Variants in RO60 observed in about 807,000 individuals in gnomAD.
RO60 encodes the protein RNA-binding protein RO60.
In RO60, 20 loss-of-function variants were observed where a neutral mutation model predicts 55.3. That is an observed-to-expected ratio of 0.36 (90% CI 0.25 to 0.53). RO60 has a LOEUF of 0.53. RO60 is among the 20% of genes least tolerant of loss of function. RO60 has a pLI of 0.92. For synonymous variants in RO60, 213 were observed against 213.6 expected (o/e 1.00, Z 0.02); for missense variants, 558 against 646.6 (o/e 0.86, Z 1.49).
chr1:193,079,077 T>C (rs961172471), intron 5 of RO60, among the ~76,000 whole-genome samples: 11 of 146,246 alleles, frequency 7.5e-5, no homozygotes, highest in Non-Finnish European at 1.6e-4. Flanking sequence ...ATATGTTCAG[T>C]TGACTTTTTT....
In RO60 at chr1:193,069,295, A is replaced by C. The variant is rs749014090; in HGVS notation, c.241A>C (p.Ser81Arg). ...AGTGATACAAGAAATAAAGTCATTTAGTCAAGAAGGCAGAACCACAAAGCA... is the reference window on the plus strand; with the variant it reads ...AGTGATACAAGAAATAAAGTCATTTCGTCAAGAAGGCAGAACCACAAAGCA... Reference protein sequence around the residue: ...CEVIQEIKSFSQEGRTTKQEP... With the variant: ...CEVIQEIKSFRQEGRTTKQEP... The change falls in exon 2 of 9, where the codon AGT (serine) becomes CGT (arginine). Residue 81 changes from serine (S) to arginine (R), a missense_variant. Coordinates refer to ENST00000400968, the MANE Select transcript of RO60 (RefSeq NM_001173524.2). The C allele has an allele frequency of 1.9e-6, 3 of 1,614,246 alleles. No homozygotes were observed. In the Admixed American group the frequency reaches 5.0e-5, roughly 27 times the overall value.
chr1:193,069,667 G>T lies in RO60; in HGVS notation c.580+33G>T, dbSNP rs1673347428. 3 of 1,531,032 alleles carry T rather than the reference G, an allele frequency of 2.0e-6. No individual in the cohort carries two copies. In the African/African-American group the frequency reaches 4.2e-5, roughly 21 times the overall value. 94.8% of individuals were successfully genotyped at this position (1,531,032 alleles called of 1,614,324 possible). On this transcript the variant is annotated intron_variant, in intron 2 of 8. Coordinates refer to ENST00000400968, the MANE Select transcript of RO60 (RefSeq NM_001173524.2). ...TAAGATCTTCATTGGGAAGAAGGGTGGGTAAGGGATATTCAATAAATAGCA... is the reference window on the plus strand; with the variant it reads ...TAAGATCTTCATTGGGAAGAAGGGTTGGTAAGGGATATTCAATAAATAGCA...
rs1674726212 is a variant in RO60 at position 193,088,659 on chromosome 1, A to G, written c.*3928A>G. ...CAAAAATGAAAAATTCTAGTCTTATATACTGCAGGTTTGGGGTGATTGTTA... is the reference window on the plus strand; with the variant it reads ...CAAAAATGAAAAATTCTAGTCTTATGTACTGCAGGTTTGGGGTGATTGTTA... On this transcript the variant is annotated 3_prime_UTR_variant, in exon 9 of 9. Transcript: ENST00000400968. The G allele has an allele frequency of 6.6e-6, 1 of 152,196 alleles. No homozygotes were observed. Among genetic ancestry groups the G allele is most frequent in the South Asian group, 2.1e-4 (1 of 4,834 alleles). 9.4% of individuals were successfully genotyped at this position (152,196 alleles called of 1,614,324 possible). A position where few individuals can be genotyped will look rare whatever the true frequency, so the allele number is the denominator to read the frequency against.
intron 1 of RO60, among the ~76,000 whole-genome samples, chr1:193,068,019 T>C (rs995029952): frequency 6.6e-6 from 1 of 152,188 alleles, no homozygotes; most frequent in Non-Finnish European, 1.5e-5. Context: ...ACTCCAGGCA[T>C]CACTTGCAAA....
intron 2 of RO60, among the ~76,000 whole-genome samples, chr1:193,074,028 G>A (rs988885473): frequency 1.3e-4 from 19 of 151,884 alleles, no homozygotes; most frequent in Non-Finnish European, 2.6e-4. Flanking sequence ...GAGAATGATG[G>A]TTTCCAGCTT....
At chr1:193,077,984 G>C (rs1413575032) in intron 5 of RO60, among the ~76,000 whole-genome samples, 1 of 152,064 alleles carries the variant, frequency 6.6e-6, no homozygotes, top group Admixed American at 6.5e-5. Context: ...AAAGACACAA[G>C]CTAAAACATC....
At position 193,069,652 on chromosome 1, in the gene RO60, A is replaced by T; in HGVS notation, c.580+18A>T. 6.3e-7 allele frequency: 1 copy of T among 1,582,186 alleles called. No individual in the cohort carries two copies. The stretch of plus-strand genomic sequence containing the variant: ...CAGTGAAGGTAAGCATAAGATCTTC[A>T]TTGGGAAGAAGGGTGGGTAAGGGAT... On this transcript the variant is annotated intron_variant, in intron 2 of 8. Coordinates refer to ENST00000400968, the MANE Select transcript of RO60 (RefSeq NM_001173524.2).
Position 193,075,991 on chromosome 1 carries a change from A to G in RO60, c.752A>G (p.His251Arg), listed in dbSNP as rs1206390930. 1 of 1,612,856 alleles carries G rather than the reference A, an allele frequency of 6.2e-7. No individual in the cohort carries two copies. Among genetic ancestry groups the G allele is most frequent in the East Asian group, 2.2e-5 (1 of 44,776 alleles). The change falls in exon 3 of 9, where the codon CAT (histidine) becomes CGT (arginine). Residue 251 changes from histidine (H) to arginine (R), a missense_variant. Physicochemically the swap from His to Arg is conservative, Grantham distance 29. Coordinates refer to ENST00000400968, the MANE Select transcript of RO60 (RefSeq NM_001173524.2). ...GAAGTCATTCATCTAATAGAAGAAC[A>G]TAGATTAGTTAGAGAACATCTTTTA... is the stretch of plus-strand genomic sequence containing the variant. The part of the protein sequence containing the change: ...ELEVIHLIEE[H>R]RLVREHLLTN...
rs538702798 is a variant in RO60, at chr1:193,085,163, A to G, written c.*432A>G. The G allele has an allele frequency of 4.8e-6, 6 of 1,252,900 alleles. No individual in the cohort carries two copies. The highest frequency in any genetic ancestry group is 3.0e-5 in the African/African-American group (2 of 65,908). 77.6% of individuals were successfully genotyped at this position (1,252,900 alleles called of 1,614,324 possible). ...CAAATACTCTGAAATGCACTAGACC[A>G]TATAACTGTGATGAAATATGAAACT... On this transcript the variant is annotated 3_prime_UTR_variant, in exon 9 of 9. Coordinates refer to ENST00000400968, the MANE Select transcript of RO60 (RefSeq NM_001173524.2).
chr1:193,065,876 G>A (rs572588617), intron 1 of RO60, among the ~76,000 whole-genome samples: 3 of 151,966 alleles, frequency 2.0e-5, no homozygotes, highest in South Asian at 2.1e-4. Context: ...CTAATATTCC[G>A]AACACAATTC....
intron 2 of RO60, among the ~76,000 whole-genome samples, chr1:193,070,072 A>C (rs575983810): frequency 6.6e-6 from 1 of 152,228 alleles, no homozygotes; most frequent in East Asian, 1.9e-4. Flanking sequence ...AAACTTAGGT[A>C]ACTGTACACA....
chr1:193,077,718 G>A (rs1674024627), intron 5 of RO60, among the ~76,000 whole-genome samples: 1 of 152,074 alleles, frequency 6.6e-6, no homozygotes, highest in Non-Finnish European at 1.5e-5. Context: ...TGGCAGAAGG[G>A]GGAATATGGT....
At chr1:193,070,192 A>G (rs1032828596) in intron 2 of RO60, among the ~76,000 whole-genome samples, 3 of 150,418 alleles carry the variant, frequency 2.0e-5, no homozygotes, top group Non-Finnish European at 2.9e-5. Flanking sequence ...GCTCCTTGCC[A>G]GTAGGCGGCA....
chr1:193,080,312 TGTAAAATG>T (rs1007780679), intron 5 of RO60, among the ~76,000 whole-genome samples: 14 of 152,158 alleles, frequency 9.2e-5, no homozygotes, highest in African/African-American at 2.9e-4. Context: ...CTGGTGGGAA[TGTAAAATG>T]GTAAAATGGT....
rs776860276 is a variant in RO60 at position 193,076,914 on chromosome 1, C to A, written c.950C>A (p.Ala317Asp). ...KLCNEKLLKKARIHPFHILIA... is the reference protein window; with the variant it reads ...KLCNEKLLKKDRIHPFHILIA... ...ATTTTCCTTATACTTTGTTTCTAGGCTCGTATACATCCATTTCATATTTTG... is the reference window on the plus strand; with the variant it reads ...ATTTTCCTTATACTTTGTTTCTAGGATCGTATACATCCATTTCATATTTTG... The change falls in exon 5 of 9, where the codon GCT (alanine) becomes GAT (aspartate). Residue 317 changes from alanine (A) to aspartate (D), a missense_variant and splice_region_variant. Ala to Asp is a moderately radical substitution (Grantham distance 126). Coordinates refer to ENST00000400968, the MANE Select transcript of RO60 (RefSeq NM_001173524.2). 1.1e-5 allele frequency: 18 copies of A among 1,608,636 alleles called. No individual in the cohort carries two copies. Among genetic ancestry groups the A allele is most frequent in the East Asian group, 4.5e-5 (2 of 44,752 alleles).
chr1:193,078,656 G>A (rs1674088992), intron 5 of RO60, among the ~76,000 whole-genome samples: 1 of 151,758 alleles, frequency 6.6e-6, no homozygotes, highest in Non-Finnish European at 1.5e-5. Flanking sequence ...ATAAAAGACA[G>A]GAGTAAATTT....
chr1:193,066,903 G>T (rs901622393), intron 1 of RO60, among the ~76,000 whole-genome samples: 3 of 152,100 alleles, frequency 2.0e-5, no homozygotes, highest in African/African-American at 7.2e-5. Context: ...AACTTTATCA[G>T]TTTTTTAGTT....
chr1:193,059,753 C>T lies in RO60; in HGVS notation c.-45C>T, dbSNP rs1302926894. The T allele has an allele frequency of 6.6e-6, 9 of 1,355,870 alleles. No individual in the cohort carries two copies. The highest frequency in any genetic ancestry group is 2.0e-5 in the Admixed American group (1 of 50,544). 84.0% of individuals were successfully genotyped at this position (1,355,870 alleles called of 1,614,324 possible). Reference sequence around the variant, plus strand: ...ACTTCTCCTGGCGGCGCTGCGGATCCAGGGGGTCGGCTGCCAGGTACAGGT... The same window carrying T: ...ACTTCTCCTGGCGGCGCTGCGGATCTAGGGGGTCGGCTGCCAGGTACAGGT... On this transcript the variant is annotated 5_prime_UTR_variant, in exon 1 of 9. Transcript: ENST00000400968. This position sits in a 1 kb window ranked among gnomAD's most constrained non-coding sequence, Gnocchi z 4.9.
intron 2 of RO60, among the ~76,000 whole-genome samples, chr1:193,074,831 T>G (rs1031816290): frequency 6.6e-6 from 1 of 152,266 alleles, no homozygotes; most frequent in Non-Finnish European, 1.5e-5. Context: ...TGAATGGTAT[T>G]GCCTAGGTTT....
Sources: allele counts gnomAD v4.1 joint callset (sites outside exome capture counted in the v4.1 genomes callset), GRCh38; gene constraint gnomAD v4.1.1; non-coding constraint Gnocchi (gnomAD v3.1); transcripts MANE v1.5; gene names NCBI Gene and HGNC (gene_info 2026-07-23, HGNC 2026-07-21).